Variants in ITGA8 observed in about 807,000 individuals in gnomAD.
The protein encoded by ITGA8 is integrin subunit alpha 8.
ITGA8 carries 91 observed loss-of-function variants against 142.3 expected under a neutral mutation model. That is an observed-to-expected ratio of 0.64 (90% CI 0.54 to 0.76). The LOEUF is 0.76. Among genes scored for constraint, ITGA8 ranks in the 30% least tolerant of loss-of-function variants. ITGA8 has a pLI of 0.00. For synonymous variants in ITGA8, 505 were observed against 485.2 expected (o/e 1.04, Z -0.54); for missense variants, 1,406 against 1,327.7 (o/e 1.06, Z -0.92).
At chr10:15,532,569 G>A (rs1833331484) in intron 27 of ITGA8, among the ~76,000 whole-genome samples, 1 of 151,858 alleles carries the variant, frequency 6.6e-6, no homozygotes, top group Admixed American at 6.6e-5. Context: ...GTTTAATAGG[G>A]TCTCATATTA....
intron 28 of ITGA8, among the ~76,000 whole-genome samples, chr10:15,523,582 A>AGTC (rs1833108168): frequency 6.6e-6 from 1 of 152,100 alleles, no homozygotes; most frequent in African/African-American, 2.4e-5. Flanking sequence ...AACTGTTGCC[A>AGTC]GTCTGCTTCC....
chr10:15,651,803 G>T (rs1403893682), intron 11 of ITGA8, among the ~76,000 whole-genome samples: 1 of 152,046 alleles, frequency 6.6e-6, no homozygotes, highest in Non-Finnish European at 1.5e-5. Context: ...TATCACCATT[G>T]TTGTAATTTC....
At chr10:15,530,847 G>C (rs1833275390) in intron 28 of ITGA8, among the ~76,000 whole-genome samples, 2 of 152,056 alleles carry the variant, frequency 1.3e-5, no homozygotes, top group South Asian at 2.1e-4. Flanking sequence ...TAATTTTCTG[G>C]GGTAGACATT....
rs1004731926 is a variant in ITGA8, at chr10:15,635,093, G to A, written c.1399+8937C>T. On this transcript the variant is annotated intron_variant, in intron 13 of 29. Transcript: ENST00000378076. Reference sequence around the variant, plus strand: ...GCAATCTCGGTTCACTGTAACCTCCGCTTCCCAGGTTCAAGAGATTCTCCT... The same window carrying A: ...GCAATCTCGGTTCACTGTAACCTCCACTTCCCAGGTTCAAGAGATTCTCCT... 9.4e-5 allele frequency among the ~76,000 whole-genome samples: 13 copies of A among 138,722 alleles called. No homozygotes were observed. In the Admixed American group the frequency reaches 9.7e-4, roughly 10 times the overall value. The allele number at this position is 138,722 out of a possible 152,430, so 91.0% of individuals were successfully genotyped here.
intron 5 of ITGA8, among the ~76,000 whole-genome samples, chr10:15,678,063 C>T (rs1010210883): frequency 6.6e-6 from 1 of 152,102 alleles, no homozygotes; most frequent in Admixed American, 6.5e-5. Flanking sequence ...CCAGTGCCAC[C>T]CCCTTCTCAG....
At chr10:15,594,989 C>T (rs1281561042) in intron 21 of ITGA8, among the ~76,000 whole-genome samples, 2 of 152,060 alleles carry the variant, frequency 1.3e-5, no homozygotes, top group African/African-American at 2.4e-5. Flanking sequence ...GTACCAAACA[C>T]CAGATCTCAT....
At chr10:15,571,999 T>C (rs1317750170) in intron 25 of ITGA8, among the ~76,000 whole-genome samples, 1 of 152,208 alleles carries the variant, frequency 6.6e-6, no homozygotes, top group East Asian at 1.9e-4. Context: ...CAAGTCACCA[T>C]AAGCAACAAA....
intron 13 of ITGA8, among the ~76,000 whole-genome samples, chr10:15,642,082 C>A (rs12360517): frequency 1.3e-5 from 2 of 152,030 alleles, no homozygotes; most frequent in African/African-American, 4.8e-5. Flanking sequence ...GGGCTGAGAT[C>A]GTGCCACTGC....
chr10:15,605,383 A>G (rs1359193703), intron 19 of ITGA8, among the ~76,000 whole-genome samples: 2 of 152,190 alleles, frequency 1.3e-5, no homozygotes, highest in East Asian at 1.9e-4. Context: ...GAAGGTGTAG[A>G]TGGAACCTGC....
At chr10:15,533,913 C>CTTTT (rs572087349) in intron 27 of ITGA8, among the ~76,000 whole-genome samples, 28,587 of 146,544 alleles carry the variant, frequency 0.2, 3,712 homozygotes, top group African/African-American at 0.38. Context: ...CATCACCAAT[C>CTTTT]TTTTTTTTTT....
intron 13 of ITGA8, among the ~76,000 whole-genome samples, chr10:15,635,916 A>C (rs1833763928): frequency 1.0e-5 from 1 of 100,264 alleles, no homozygotes; most frequent in Admixed American, 1.3e-4. Context: ...GTTTGCTTAT[A>C]CTACACACAC....
intron 27 of ITGA8, among the ~76,000 whole-genome samples, chr10:15,537,546 G>A (rs1376686): frequency 0.13 from 20,035 of 151,984 alleles, 1,453 homozygotes; most frequent in Middle Eastern, 0.18. Flanking sequence ...CAGACACCGG[G>A]TCTTCTTTAA....
intron 13 of ITGA8, among the ~76,000 whole-genome samples, chr10:15,626,695 TG>T (rs1833588902): frequency 6.6e-6 from 1 of 152,150 alleles, no homozygotes; most frequent in Non-Finnish European, 1.5e-5. Context: ...ATCATCTGGG[TG>T]GGCCCTAATC....
intron 2 of ITGA8, among the ~76,000 whole-genome samples, chr10:15,712,445 CA>C (rs1835379487): frequency 6.6e-6 from 1 of 151,862 alleles, no homozygotes; most frequent in African/African-American, 2.4e-5. Flanking sequence ...AACAAAAAAT[CA>C]CACAACTAGC....
At chr10:15,716,953 C>T (rs576890050) in intron 2 of ITGA8, among the ~76,000 whole-genome samples, 47 of 152,288 alleles carry the variant, frequency 3.1e-4, no homozygotes, top group African/African-American at 9.4e-4. Context: ...TAAGCCACCA[C>T]GCCTGGCCTA....
At chr10:15,633,141 C>T (rs904855958) in intron 13 of ITGA8, among the ~76,000 whole-genome samples, 2 of 152,214 alleles carry the variant, frequency 1.3e-5, no homozygotes, top group Admixed American at 6.5e-5. Context: ...GCTAAACATG[C>T]TATTCAAGGC....
chr10:15,643,918 A>G, intron 13 of ITGA8, 112 bp downstream of exon 13: 1 of 891,290 alleles, frequency 1.1e-6, no homozygotes, highest in South Asian at 2.0e-5. Context: ...TGGCATGCTT[A>G]AGCTTCAGCC....
intron 26 of ITGA8, among the ~76,000 whole-genome samples, chr10:15,557,017 T>G (rs1833899551): frequency 6.6e-6 from 1 of 152,156 alleles, no homozygotes; most frequent in South Asian, 2.1e-4. Flanking sequence ...GGGAAGAGGA[T>G]GAATATTCAC....
At chr10:15,683,856 A>G in intron 4 of ITGA8, 148 bp downstream of exon 4, 2 of 758,584 alleles carry the variant, frequency 2.6e-6, no homozygotes, top group South Asian at 1.9e-5. Context: ...AGACACCTGT[A>G]AGGCTGACAA....
Sources: gnomAD v4.1 joint callset for allele counts (sites outside exome capture counted in the v4.1 genomes callset) on GRCh38, gnomAD v4.1.1 for gene constraint, MANE v1.5 for transcripts, NCBI Gene and HGNC (gene_info 2026-07-23, HGNC 2026-07-21) for gene names.